The following TTLL6 variants were observed in gnomAD, a reference collection of about 807,000 sequenced individuals.
The protein encoded by TTLL6 is tubulin tyrosine ligase like 6, also known as tubulin polyglutamylase TTLL6.
A neutral mutation model predicts 96.4 loss-of-function variants in TTLL6; 75 were observed. The observed-to-expected ratio is 0.78, with a 90% CI of 0.65 to 0.94. The LOEUF (loss-of-function observed/expected upper bound fraction) is 0.94, where lower values mean the gene tolerates loss of function less well. Ranked by LOEUF, TTLL6 falls within the 40% of genes least tolerant of loss-of-function variation. TTLL6 has a pLI of 0.00. For synonymous variants in TTLL6, 411 were observed against 419.4 expected, an observed-to-expected ratio of 0.98 and a Z score of 0.24; for missense variants, 1,030 against 1,093.0, an observed-to-expected ratio of 0.94 and a Z score of 0.81.
In TTLL6 at chr17:48,791,361, C is replaced by T. The variant is rs374980199; in HGVS notation, c.1224+17G>A. Reference sequence around the variant, plus strand: ...ATAACAGGAGTTCGTTTTCGCCCCTCGCCCAAACTTCCCTACCTCCAGCAG... The same window carrying T: ...ATAACAGGAGTTCGTTTTCGCCCCTTGCCCAAACTTCCCTACCTCCAGCAG... On this transcript the variant is annotated intron_variant, in intron 9 of 15. Transcript: ENST00000393382. 46 of 1,609,650 alleles carry T rather than the reference C, an allele frequency of 2.9e-5. No individual in the cohort carries two copies. Among genetic ancestry groups the T allele is most frequent in the Non-Finnish European group, 3.7e-5 (43 of 1,176,692 alleles).
chr17:48,791,483 A>G lies in TTLL6; in HGVS notation c.1119T>C (p.His373=). 6.2e-7 allele frequency: 1 copy of G among 1,614,182 alleles called. No homozygotes were observed. The highest frequency in any genetic ancestry group is 8.5e-7 in the Non-Finnish European group (1 of 1,180,028). Residue 373 remains histidine, a synonymous_variant, in exon 9 of 16, where the codon CAT becomes CAC. Transcript: ENST00000393382. ...GGTTGGGGAAGCAGGTGTGGTAGTT[A>G]TGCCTGATGATGGGGTGGGCCGAGA... is the stretch of plus-strand genomic sequence containing the variant. ...TLISAHPIIR[H]NYHTCFPNHT... is the part of the protein sequence containing the mutation.
At chr17:48,790,669 C>A (rs1319538414) in intron 9 of TTLL6, among the ~76,000 whole-genome samples, 1 of 152,174 alleles carries the variant, frequency 6.6e-6, no homozygotes, top group Non-Finnish European at 1.5e-5. Context: ...ACAGGCACAT[C>A]CCTCTTCCCA....
chr17:48,765,389 A>G (rs551219849), intron 15 of TTLL6, among the ~76,000 whole-genome samples: 1 of 152,306 alleles, frequency 6.6e-6, no homozygotes, highest in Admixed American at 6.5e-5. Context: ...TCCAGCCTGG[A>G]CAACAGAACA....
intron 15 of TTLL6, among the ~76,000 whole-genome samples, chr17:48,763,527 T>C (rs758432924): frequency 6.6e-6 from 1 of 152,230 alleles, no homozygotes; most frequent in Non-Finnish European, 1.5e-5. Flanking sequence ...CCAGGCACAG[T>C]GGCTCATGCC....
chr17:48,812,450 G>T (rs770318544), intron 1 of TTLL6, among the ~76,000 whole-genome samples: 6 of 152,182 alleles, frequency 3.9e-5, no homozygotes, highest in Non-Finnish European at 7.3e-5. Flanking sequence ...TCCCAGCTCT[G>T]CCACTTCCTA....
Position 48,799,574 on chromosome 17 carries a change from GATAA to G in TTLL6, c.768+26_768+29del, listed in dbSNP as rs2143431087. ...GCTAAAGTCCGCGGTTGCTGTGGGT[GATAA>G]ATAAATAATCACAATGAGGAAGTAC... On this transcript the variant is annotated intron_variant, in intron 6 of 15. Coordinates refer to ENST00000393382, the MANE Select transcript of TTLL6 (RefSeq NM_001130918.3). The G allele has an allele frequency of 9.1e-6, 14 of 1,545,964 alleles. No individual in the cohort carries two copies. The South Asian group carries it at 1.4e-4, about 16-fold the overall frequency.
chr17:48,792,670 AG>A (rs1468885514), intron 8 of TTLL6, among the ~76,000 whole-genome samples: 1 of 152,222 alleles, frequency 6.6e-6, no homozygotes, highest in Non-Finnish European at 1.5e-5. Context: ...AGGACCATTC[AG>A]GGAGTCAACA....
In TTLL6 at chr17:48,811,903, G is replaced by A. The variant is rs953452736; in HGVS notation, c.103+5067C>T. ...TTTAGTAGAGACGGGGTTTTGCCAT[G>A]TTGGCCAGGCTGGTTTCAAATTCCT... On this transcript the variant is annotated intron_variant, in intron 1 of 15. Transcript: ENST00000393382. Among the ~76,000 whole-genome samples the A allele has an allele frequency of 2.0e-5, 3 of 152,100 alleles. No homozygotes were observed. The South Asian group carries it at 6.2e-4, about 31-fold the overall frequency.
intron 15 of TTLL6, among the ~76,000 whole-genome samples, chr17:48,766,085 T>C (rs1597953030): frequency 6.6e-6 from 1 of 152,234 alleles, no homozygotes; most frequent in South Asian, 2.1e-4. Flanking sequence ...AGAATCAGCA[T>C]CTGATGTCAG....
At chr17:48,770,945 AC>A (rs1366779771) in intron 13 of TTLL6, among the ~76,000 whole-genome samples, 2 of 150,906 alleles carry the variant, frequency 1.3e-5, no homozygotes, top group African/African-American at 2.4e-5. Context: ...ACAAAAAAAA[AC>A]AACCAAACAA....
intron 13 of TTLL6, among the ~76,000 whole-genome samples, chr17:48,780,974 T>C (rs1276972269): frequency 1.3e-5 from 2 of 152,182 alleles, no homozygotes; most frequent in East Asian, 1.9e-4. Flanking sequence ...AAATATCTTT[T>C]TGAGATCCTG....
Position 48,787,785 on chromosome 17 carries a change from C to G in TTLL6, c.1589+26G>C, listed in dbSNP as rs752744799. ...CACACAATCCCCAGAACCCCTCCAC[C>G]GACCTCATCCCGGATGTCTTCCTAC... On this transcript the variant is annotated intron_variant, in intron 11 of 15. Transcript: ENST00000393382. 30 of 1,603,342 alleles carry G rather than the reference C, an allele frequency of 1.9e-5. No individual in the cohort carries two copies. The East Asian group carries it at 6.5e-4, about 35-fold the overall frequency.
At chr17:48,763,038 T>C (rs2038520345) in intron 15 of TTLL6, 65 bp from the exon 16 acceptor site, 4 of 416,706 alleles carry the variant, frequency 9.6e-6, no homozygotes, top group South Asian at 5.4e-5. Context: ...TTAAAGTCAA[T>C]GAACTCATCA....
At chr17:48,806,074 A>G (rs1435709233) in intron 1 of TTLL6, 1 of 151,364 alleles carries the variant, frequency 6.6e-6, no homozygotes, top group African/African-American at 2.4e-5. Context: ...GTGCCATTGC[A>G]CTCTAGCCTG....
intron 13 of TTLL6, among the ~76,000 whole-genome samples, chr17:48,778,172 G>C (rs1313248413): frequency 6.6e-6 from 1 of 151,878 alleles, no homozygotes; most frequent in Non-Finnish European, 1.5e-5. Context: ...AGCTACTTGG[G>C]AGGCTGAGGC....
chr17:48,769,574 A>G (rs2038688585), intron 14 of TTLL6, among the ~76,000 whole-genome samples, 154 bp downstream of exon 14: 1 of 152,204 alleles, frequency 6.6e-6, no homozygotes, highest in Non-Finnish European at 1.5e-5. Flanking sequence ...TCCTAATGGT[A>G]TGGACTGTGT....
chr17:48,804,704 C>G, intron 2 of TTLL6, 68 bp downstream of exon 2: 4 of 1,316,440 alleles, frequency 3.0e-6, no homozygotes, highest in South Asian at 1.3e-5. Context: ...CAGCCAAGAC[C>G]CCCTTCCCTC....
At chr17:48,783,409 A>C (rs989033314) in intron 13 of TTLL6, among the ~76,000 whole-genome samples, 2 of 148,100 alleles carry the variant, frequency 1.4e-5, no homozygotes, top group African/African-American at 2.5e-5. Flanking sequence ...TGTCACCTTA[A>C]GTGAATATTT....
rs1180689197 is a variant in TTLL6, at chr17:48,787,720, G to T, written c.1589+91C>A. 17 of 1,309,606 alleles carry T rather than the reference G, an allele frequency of 1.3e-5. No individual in the cohort carries two copies. The East Asian group carries it at 3.5e-4, about 27-fold the overall frequency. The allele number at this position is 1,309,606 out of a possible 1,614,324, so 81.1% of individuals were successfully genotyped here. On this transcript the variant is annotated intron_variant, in intron 11 of 15. Transcript: ENST00000393382. ...TGCTCTGGCAACTTTCATGGCTGGG[G>T]ACTCTCCCTGCCACTCCAGGCCAGT... is the stretch of plus-strand genomic sequence containing the variant.
Sources: allele counts gnomAD v4.1 joint callset (sites outside exome capture counted in the v4.1 genomes callset), GRCh38; gene constraint gnomAD v4.1.1; transcripts MANE v1.5; gene names NCBI Gene and HGNC (gene_info 2026-07-23, HGNC 2026-07-21).